The following ENOX1 variants were observed in gnomAD, a reference collection of about 807,000 sequenced individuals.
ENOX1 encodes the protein candidate growth-related and time keeping constitutive hydroquinone (NADH) oxidase.
In ENOX1, 42 loss-of-function variants were observed where a neutral mutation model predicts 82.5. The ratio of observed to expected loss-of-function variants is 0.51; its 90% CI spans 0.40 to 0.66. The LOEUF (loss-of-function observed/expected upper bound fraction) is 0.66, where lower values mean the gene tolerates loss of function less well. Among genes scored for constraint, ENOX1 ranks in the 30% least tolerant of loss-of-function variants. ENOX1 has a pLI of 0.00. For missense variants in ENOX1, 608 were observed against 811.6 expected (o/e 0.75, Z 3.05); for synonymous variants, 271 against 282.2 (o/e 0.96, Z 0.40).
chr13:43,470,399 T>TATATATATAC (rs1566308741), intron 3 of ENOX1, among the ~76,000 whole-genome samples: 3 of 105,406 alleles, frequency 2.8e-5, no homozygotes, highest in African/African-American at 1.1e-4. Flanking sequence ...TATATATATG[T>TATATATATAC]GTATATATAT....
chr13:43,491,276 T>A (rs560242401), intron 2 of ENOX1, among the ~76,000 whole-genome samples: 78 of 152,214 alleles, frequency 5.1e-4, no homozygotes, highest in African/African-American at 1.8e-3. Context: ...TCATGAGGGA[T>A]CCACCCGCAT....
At chr13:43,395,871 A>G (rs1441442364) in intron 5 of ENOX1, among the ~76,000 whole-genome samples, 1 of 152,216 alleles carries the variant, frequency 6.6e-6, no homozygotes, top group African/African-American at 2.4e-5. Flanking sequence ...GCAGGTGAGA[A>G]AATACGCATT....
chr13:43,708,325 G>A (rs936160046), intron 1 of ENOX1, among the ~76,000 whole-genome samples: 9 of 152,164 alleles, frequency 5.9e-5, no homozygotes, highest in Non-Finnish European at 1.0e-4. Context: ...AAGAATCAAG[G>A]TAGAAGTAAC....
At chr13:43,753,384 C>T (rs188258587) in intron 1 of ENOX1, among the ~76,000 whole-genome samples, 4 of 152,288 alleles carry the variant, frequency 2.6e-5, no homozygotes, top group Admixed American at 2.6e-4. Context: ...TCTGCACATT[C>T]TTGTCAGATG....
intron 9 of ENOX1, among the ~76,000 whole-genome samples, chr13:43,340,234 G>A (rs1289484625): frequency 6.6e-6 from 1 of 152,242 alleles, no homozygotes; most frequent in African/African-American, 2.4e-5. Flanking sequence ...AAAGTTCTGA[G>A]GTTGCTCAAT....
chr13:43,643,366 TG>T (rs2083743750), intron 2 of ENOX1, among the ~76,000 whole-genome samples: 1 of 152,210 alleles, frequency 6.6e-6, no homozygotes, highest in Non-Finnish European at 1.5e-5. Flanking sequence ...CTATTTAGTA[TG>T]AGCTGGACAA....
At chr13:43,327,444 G>A (rs2048175961) in intron 9 of ENOX1, among the ~76,000 whole-genome samples, 1 of 152,216 alleles carries the variant, frequency 6.6e-6, no homozygotes, top group African/African-American at 2.4e-5. Flanking sequence ...TGGGCTCTTA[G>A]TAGTGGGTAT....
chr13:43,312,288 A>C (rs1427707744), intron 11 of ENOX1, among the ~76,000 whole-genome samples: 1 of 152,200 alleles, frequency 6.6e-6, no homozygotes, highest in African/African-American at 2.4e-5. Flanking sequence ...TTTTAAAGCT[A>C]TATTGGAGGC....
At chr13:43,731,302 A>G (rs1160481245) in intron 1 of ENOX1, among the ~76,000 whole-genome samples, 2 of 152,218 alleles carry the variant, frequency 1.3e-5, no homozygotes, top group African/African-American at 4.8e-5. Context: ...CTCTGTTGAG[A>G]TATTTCACAT....
At chr13:43,443,952 C>T (rs1213163415) in intron 3 of ENOX1, among the ~76,000 whole-genome samples, 1 of 152,154 alleles carries the variant, frequency 6.6e-6, no homozygotes, top group African/African-American at 2.4e-5. Flanking sequence ...TTCTTTATGA[C>T]TAGCCTGCTC....
At chr13:43,216,219 C>T (rs2041475393) in intron 16 of ENOX1, among the ~76,000 whole-genome samples, 1 of 152,090 alleles carries the variant, frequency 6.6e-6, no homozygotes, top group Admixed American at 6.5e-5. Flanking sequence ...GGGACTTAAG[C>T]CAGACAAGCT....
At chr13:43,643,218 G>A (rs1190076161) in intron 2 of ENOX1, among the ~76,000 whole-genome samples, 1 of 152,190 alleles carries the variant, frequency 6.6e-6, no homozygotes, top group Non-Finnish European at 1.5e-5. Context: ...GCCAAGGACC[G>A]AGGGTAGGTA....
At chr13:43,452,994 A>T in intron 3 of ENOX1, among the ~76,000 whole-genome samples, 1 of 152,230 alleles carries the variant, frequency 6.6e-6, no homozygotes, top group East Asian at 1.9e-4. Context: ...ATAAAGCCTG[A>T]TTAAATAGAA....
At chr13:43,550,237 G>C (rs2079135721) in intron 2 of ENOX1, among the ~76,000 whole-genome samples, 1 of 152,178 alleles carries the variant, frequency 6.6e-6, no homozygotes, top group Non-Finnish European at 1.5e-5. Flanking sequence ...TGGGTGTTGG[G>C]GACCCCTGCT....
intron 3 of ENOX1, among the ~76,000 whole-genome samples, chr13:43,466,968 T>G (rs1278773279): frequency 1.3e-5 from 2 of 152,170 alleles, no homozygotes; most frequent in Non-Finnish European, 2.9e-5. Flanking sequence ...TCCATTCTGA[T>G]TTTAGGTTGA....
chr13:43,751,876 T>C (rs1214609341), intron 1 of ENOX1, among the ~76,000 whole-genome samples: 1 of 152,206 alleles, frequency 6.6e-6, no homozygotes, highest in Non-Finnish European at 1.5e-5. Flanking sequence ...CACGTGTTCT[T>C]TCCTCTTGGG....
intron 3 of ENOX1, among the ~76,000 whole-genome samples, chr13:43,479,090 G>A (rs1035339855): frequency 1.3e-5 from 2 of 151,524 alleles, no homozygotes; most frequent in African/African-American, 2.4e-5. Flanking sequence ...CCCATACTCC[G>A]CATGCATAAA....
At chr13:43,695,432 A>C (rs981132072) in intron 1 of ENOX1, among the ~76,000 whole-genome samples, 1 of 134,808 alleles carries the variant, frequency 7.4e-6, no homozygotes, top group Non-Finnish European at 1.5e-5. Context: ...TTTACTTTTA[A>C]AAAAATCTAA....
intron 5 of ENOX1, among the ~76,000 whole-genome samples, chr13:43,380,341 C>A (rs368908375): frequency 6.6e-6 from 1 of 151,424 alleles, no homozygotes; most frequent in African/African-American, 2.4e-5. Context: ...ACAATGTATT[C>A]TGGGTTTATG....
Sources: gnomAD v4.1 joint callset for allele counts (sites outside exome capture counted in the v4.1 genomes callset) on GRCh38, gnomAD v4.1.1 for gene constraint, MANE v1.5 for transcripts, NCBI Gene and HGNC (gene_info 2026-07-23, HGNC 2026-07-21) for gene names.